PCDH11X: variants seen among roughly 807,000 people sequenced by gnomAD.
PCDH11X encodes protocadherin 11 X-linked.
Under a neutral mutation model 53.3 loss-of-function variants are expected in PCDH11X, and 18 were observed. The ratio of observed to expected loss-of-function variants is 0.34; its 90% CI spans 0.23 to 0.50. The LOEUF is 0.50. PCDH11X is among the 20% of genes least tolerant of loss of function. The pLI is 0.98. For missense variants in PCDH11X, 570 were observed against 1,032.4 expected (o/e 0.55, Z 6.14); for synonymous variants, 279 against 393.3 (o/e 0.71, Z 3.44).
chrX:92,584,080 T>C (rs1296922210), intron 10 of PCDH11X, among the ~76,000 whole-genome samples: 2 of 111,008 alleles, frequency 1.8e-5, no homozygotes, highest in Non-Finnish European at 3.8e-5. Flanking sequence ...TAAATGGAAT[T>C]GTAATAAAAA....
intron 8 of PCDH11X, among the ~76,000 whole-genome samples, chrX:92,284,692 C>A (rs1055758941): frequency 7.5e-5 from 7 of 93,313 alleles, no homozygotes; most frequent in Admixed American, 4.5e-4. Flanking sequence ...AAAAATATTT[C>A]TACTGCCTAC....
chrX:92,370,263 G>A (rs139748250), intron 8 of PCDH11X, among the ~76,000 whole-genome samples: 1,467 of 108,701 alleles, frequency 0.013, 26 homozygotes, highest in African/African-American at 0.047. Context: ...CATTGTGATT[G>A]CAAAAGATAT....
chrX:92,043,029 T>G (rs931740294), intron 6 of PCDH11X, among the ~76,000 whole-genome samples: 1 of 109,752 alleles, frequency 9.1e-6, no homozygotes, highest in Non-Finnish European at 1.9e-5. Context: ...TTTCGATATA[T>G]TAGATATTTT....
intron 6 of PCDH11X, among the ~76,000 whole-genome samples, chrX:92,099,103 C>T (rs962763497): frequency 2.1e-4 from 23 of 111,384 alleles, no homozygotes; most frequent in South Asian, 1.1e-3. Context: ...AAAAACTGCT[C>T]TCCTGTCTTA....
At chrX:91,853,655 A>G (rs1403155049) in intron 5 of PCDH11X, among the ~76,000 whole-genome samples, 1 of 109,317 alleles carries the variant, frequency 9.1e-6, no homozygotes, top group African/African-American at 3.4e-5. Flanking sequence ...ATAAAAATTG[A>G]CATCTAGAAT....
At chrX:91,792,296 G>C (rs1253100056) in intron 1 of PCDH11X, among the ~76,000 whole-genome samples, 1 of 111,869 alleles carries the variant, frequency 8.9e-6, no homozygotes, top group Non-Finnish European at 1.9e-5. Flanking sequence ...GCCTGATCCA[G>C]CAAATATTAG....
At chrX:92,289,307 G>A (rs1303679161) in intron 8 of PCDH11X, among the ~76,000 whole-genome samples, 5 of 110,845 alleles carry the variant, frequency 4.5e-5, no homozygotes, top group African/African-American at 9.8e-5. Context: ...CTCAATAGAC[G>A]CAATATACAG....
chrX:92,170,477 G>A (rs1461628865), intron 6 of PCDH11X, among the ~76,000 whole-genome samples: 1 of 110,866 alleles, frequency 9.0e-6, no homozygotes, highest in Non-Finnish European at 1.9e-5. Context: ...GGTAGAATCA[G>A]TTCACAAACC....
In PCDH11X at chrX:92,064,487, A is replaced by AAAATAAATAAATAAAT. The variant is rs3084448; in HGVS notation, c.3034-136862_3034-136847dup. 1.0e-4 allele frequency among the ~76,000 whole-genome samples: 9 copies of AAAATAAATAAATAAAT among 89,895 alleles called. No individual in the cohort carries two copies. In the Admixed American group the frequency reaches 1.2e-3, roughly 12 times the overall value. The allele number at this position is 89,895 out of a possible 115,157, so 78.1% of individuals were successfully genotyped here. Reference sequence around the variant, plus strand: ...ATTTCTATCAAATCCACACAAATTAAAAATAAATAAATAAATAAATAAATA... The same window carrying AAAATAAATAAATAAAT: ...ATTTCTATCAAATCCACACAAATTAAAAATAAATAAATAAATAAATAAATAAATAAATAAATAAATA... On this transcript the variant is annotated intron_variant, in intron 6 of 10. Coordinates refer to ENST00000682573, the MANE Select transcript of PCDH11X (RefSeq NM_032968.5).
chrX:92,227,913 T>A (rs1392096784), intron 7 of PCDH11X, among the ~76,000 whole-genome samples: 1 of 106,165 alleles, frequency 9.4e-6, no homozygotes, highest in Non-Finnish European at 1.9e-5. Flanking sequence ...GACTATATCT[T>A]TGAAAGTGAA....
chrX:92,196,935 C>A (rs777004869), intron 6 of PCDH11X, among the ~76,000 whole-genome samples: 144 of 111,357 alleles, frequency 1.3e-3, no homozygotes, highest in African/African-American at 3.5e-3. Context: ...GAAGATAAAA[C>A]CATAATAGTG....
chrX:92,516,042 G>A (rs897491926), intron 10 of PCDH11X, among the ~76,000 whole-genome samples: 12 of 111,795 alleles, frequency 1.1e-4, no homozygotes, highest in Non-Finnish European at 2.1e-4. Flanking sequence ...CTGCTTATAA[G>A]CTTCTATTTT....
intron 6 of PCDH11X, among the ~76,000 whole-genome samples, chrX:92,059,234 T>C (rs1018575274): frequency 2.7e-5 from 3 of 109,580 alleles, no homozygotes; most frequent in African/African-American, 6.6e-5. Context: ...ATGATACATA[T>C]TGTGTGACAG....
Position 92,618,897 on chromosome X carries a change from C to T in PCDH11X, c.4001C>T (p.Pro1334Leu), listed in dbSNP as rs1392161081. Residue 1334 changes from proline (P) to leucine (L), a missense_variant, in exon 11 of 11, where the codon CCG (proline) becomes CTG (leucine). Physicochemically the swap from Pro to Leu is moderately conservative, Grantham distance 98. Transcript: ENST00000682573. ...TTCACTCCACGCCAACAGGCCAGACCGTCCAGAGGTGATTCCCCCATTATG... is the reference window on the plus strand; with the variant it reads ...TTCACTCCACGCCAACAGGCCAGACTGTCCAGAGGTGATTCCCCCATTATG... ...TTFTPRQQAR[P>L]SRGDSPIMEE... The T allele has an allele frequency of 1.8e-5, 22 of 1,210,379 alleles. No homozygotes were observed. Among genetic ancestry groups the T allele is most frequent in the Non-Finnish European group, 1.3e-5 (12 of 895,270 alleles).
At chrX:91,870,646 A>G (rs1468390812) in intron 5 of PCDH11X, among the ~76,000 whole-genome samples, 1 of 111,315 alleles carries the variant, frequency 9.0e-6, no homozygotes, top group African/African-American at 3.3e-5. Flanking sequence ...TACATGTATA[A>G]TATCTTAAAC....
At chrX:92,094,124 A>G (rs1283596371) in intron 6 of PCDH11X, among the ~76,000 whole-genome samples, 1 of 90,329 alleles carries the variant, frequency 1.1e-5, no homozygotes, top group African/African-American at 4.2e-5. Context: ...CACCACACAA[A>G]AAAGTAATAT....
intron 8 of PCDH11X, among the ~76,000 whole-genome samples, chrX:92,384,533 A>T (rs2070969952): frequency 9.6e-6 from 1 of 104,410 alleles, no homozygotes; most frequent in African/African-American, 3.5e-5. Context: ...TTACTCAAAT[A>T]AGTCTCCCTG....
intron 6 of PCDH11X, among the ~76,000 whole-genome samples, chrX:92,089,626 G>A (rs1397323558): frequency 2.8e-5 from 3 of 106,929 alleles, no homozygotes; most frequent in South Asian, 4.3e-4. Flanking sequence ...GGGTTCAAAC[G>A]ATTCTCCTGT....
At chrX:92,581,346 ATGT>A (rs772439993) in intron 10 of PCDH11X, among the ~76,000 whole-genome samples, 18 of 111,134 alleles carry the variant, frequency 1.6e-4, no homozygotes, top group Non-Finnish European at 3.2e-4. Flanking sequence ...TAATTCCCAC[ATGT>A]TGTAGGAGTG....
Sources: gnomAD v4.1 joint callset for allele counts (sites outside exome capture counted in the v4.1 genomes callset) on GRCh38, gnomAD v4.1.1 for gene constraint, MANE v1.5 for transcripts, NCBI Gene and HGNC (gene_info 2026-07-23, HGNC 2026-07-21) for gene names.